MPP7: variants seen among roughly 807,000 people sequenced by gnomAD.
The protein encoded by MPP7 is MAGUK p55 subfamily member 7.
MPP7 carries 60 observed loss-of-function variants against 76.5 expected under a neutral mutation model. The observed-to-expected ratio is 0.78, with a 90% CI of 0.64 to 0.97. The LOEUF is 0.97. Ranked by LOEUF, MPP7 falls within the 50% of genes least tolerant of loss-of-function variation. The probability of loss-of-function intolerance (pLI) is 0.00; values close to 1 mark genes in which losing one functional copy is unlikely to be tolerated. For synonymous variants in MPP7, 237 were observed against 244.5 expected (o/e 0.97, Z 0.29); for missense variants, 641 against 694.0 (o/e 0.92, Z 0.86).
chr10:28,112,529 T>C (rs1834536808), intron 11 of MPP7, among the ~76,000 whole-genome samples: 1 of 152,244 alleles, frequency 6.6e-6, no homozygotes, highest in African/African-American at 2.4e-5. Flanking sequence ...TGCAAAAGAA[T>C]GTTTCTCCAT....
At chr10:28,131,538 A>G in intron 6 of MPP7, 22 bp downstream of exon 6, 1 of 1,560,782 alleles carries the variant, frequency 6.4e-7, no homozygotes, top group Non-Finnish European at 8.7e-7. Flanking sequence ...GTATCTACTC[A>G]TATCTGAGCA....
At chr10:28,127,726 T>C (rs1431743671) in intron 6 of MPP7, among the ~76,000 whole-genome samples, 1 of 152,166 alleles carries the variant, frequency 6.6e-6, no homozygotes, top group Non-Finnish European at 1.5e-5. Context: ...AGATGAGGTT[T>C]GGGTGAGGAC....
At position 28,164,783 on chromosome 10, in the gene MPP7, G is replaced by A. The variant is rs559276893; in HGVS notation, c.157-14724C>T. Among the ~76,000 whole-genome samples the A allele has an allele frequency of 2.6e-4, 39 of 152,138 alleles. 1 individual carries two copies. In the South Asian group the frequency reaches 7.9e-3, roughly 31 times the overall value. ...GGAACCCAAAAGATTGGACATCTTTGTAAGAGACATTGGAGACTCAGAAGT... is the reference window on the plus strand; with the variant it reads ...GGAACCCAAAAGATTGGACATCTTTATAAGAGACATTGGAGACTCAGAAGT... On this transcript the variant is annotated intron_variant, in intron 3 of 16. Transcript: ENST00000683449.
chr10:28,087,450 C>T (rs1037927783), intron 12 of MPP7, among the ~76,000 whole-genome samples: 4 of 151,886 alleles, frequency 2.6e-5, no homozygotes, highest in Non-Finnish European at 4.4e-5. Context: ...GGCTGGAGTA[C>T]CGTGATGCAA....
At chr10:28,082,430 TCTCCTCCTTC>T (rs1173626378) in intron 12 of MPP7, among the ~76,000 whole-genome samples, 1 of 151,144 alleles carries the variant, frequency 6.6e-6, no homozygotes. Flanking sequence ...CTTCTCTCCT[TCTCCTCCTTC>T]CTCCTCCTTC....
chr10:28,307,278 C>T (rs1320123437), upstream of MPP7, among the ~76,000 whole-genome samples: 2 of 152,198 alleles, frequency 1.3e-5, no homozygotes, highest in Non-Finnish European at 2.9e-5. Flanking sequence ...AATCTTTCTA[C>T]TTCAGTTGGC....
chr10:28,089,100 A>T (rs535413121), intron 12 of MPP7, among the ~76,000 whole-genome samples: 3 of 152,152 alleles, frequency 2.0e-5, no homozygotes, highest in African/African-American at 7.2e-5. Context: ...CACTGTAGAG[A>T]TGGGGCTTCA....
intron 9 of MPP7, 88 bp from the exon 10 acceptor site, chr10:28,120,478 G>T: frequency 6.7e-7 from 1 of 1,488,032 alleles, no homozygotes; most frequent in Middle Eastern, 1.7e-4. Flanking sequence ...TCCAAACATA[G>T]TAATTTTAAA....
At chr10:28,136,581 A>T (rs1247446975) in intron 5 of MPP7, among the ~76,000 whole-genome samples, 1 of 152,226 alleles carries the variant, frequency 6.6e-6, no homozygotes, top group Non-Finnish European at 1.5e-5. Context: ...ATAGCAGACA[A>T]GAAAATTAAA....
chr10:28,164,462 A>G (rs1208685095), intron 3 of MPP7, among the ~76,000 whole-genome samples: 1 of 152,120 alleles, frequency 6.6e-6, no homozygotes, highest in East Asian at 1.9e-4. Context: ...GAGGGCTGCA[A>G]CAGGGGACTC....
intron 2 of MPP7, among the ~76,000 whole-genome samples, chr10:28,215,815 G>A (rs896234407): frequency 6.6e-6 from 1 of 152,130 alleles, no homozygotes; most frequent in South Asian, 2.1e-4. Flanking sequence ...AGCTTACAAT[G>A]ATGCCTTGCT....
In MPP7 at chr10:28,315,677, G is replaced by A. The variant is rs57960262; in HGVS notation, c.-132+14252C>T. On this transcript the variant is annotated intron_variant, in intron 2 of 11. Transcript: ENST00000441595. ...GAAGAGACAAATCACCCATGCAGAA[G>A]AATTTTAAATCATTTATGTAAATAC... Among the ~76,000 whole-genome samples the A allele has an allele frequency of 9.1e-3, 1,392 of 152,286 alleles. 19 individuals carry two copies. The highest frequency in any genetic ancestry group is 0.057 in the East Asian group (293 of 5,176).
intron 5 of MPP7, among the ~76,000 whole-genome samples, chr10:28,145,812 T>C (rs183661486): frequency 2.8e-4 from 42 of 152,282 alleles, no homozygotes; most frequent in African/African-American, 8.9e-4. Flanking sequence ...CCACCTAAAA[T>C]ATTTTCCACA....
At chr10:28,114,426 C>CTT (rs372713562) in intron 11 of MPP7, among the ~76,000 whole-genome samples, 5 of 144,768 alleles carry the variant, frequency 3.5e-5, no homozygotes, top group East Asian at 4.0e-4. Context: ...AAAGGAAAAC[C>CTT]TTTTTTTTTT....
chr10:28,131,661 G>A lies in MPP7; in HGVS notation c.346C>T (p.Gln116Ter), dbSNP rs1475030459. The A allele has an allele frequency of 4.4e-6, 7 of 1,601,628 alleles. No individual in the cohort carries two copies. The highest frequency in any genetic ancestry group is 5.1e-6 in the Non-Finnish European group (6 of 1,172,462). ...ALLSVHDTVA[Q>*]KNYDPVLPPM... ...GGCAACACTGGGTCGTAATTCTTCT[G>A]AGCCACAGTATCATGTACAGAGAGC... The change falls in exon 6 of 17, where the codon CAG becomes TAG. Residue 116 changes from glutamine to a stop codon, truncating the protein, a stop_gained. Transcript: ENST00000683449. LOFTEE classifies it high-confidence loss of function.
intron 5 of MPP7, among the ~76,000 whole-genome samples, chr10:28,138,889 T>C (rs1445840956): frequency 6.6e-6 from 1 of 152,196 alleles, no homozygotes; most frequent in Non-Finnish European, 1.5e-5. Context: ...TGAATTCCGT[T>C]TACTGGGAAT....
At chr10:28,168,796 G>C (rs763464672) in intron 3 of MPP7, among the ~76,000 whole-genome samples, 10 of 152,194 alleles carry the variant, frequency 6.6e-5, no homozygotes, top group Non-Finnish European at 1.0e-4. Flanking sequence ...GGGATTACAG[G>C]TGTGAGCCAC....
chr10:28,262,034 C>T (rs1839967046), intron 1 of MPP7, among the ~76,000 whole-genome samples: 1 of 150,486 alleles, frequency 6.6e-6, no homozygotes, highest in Non-Finnish European at 1.5e-5. Flanking sequence ...ACCTGTAGTC[C>T]CAGCTACTCA....
At chr10:28,303,349 G>C (rs1227438433), upstream of MPP7, 1 of 152,248 alleles carries the variant, frequency 6.6e-6, no homozygotes, top group Non-Finnish European at 1.5e-5. Context: ...GGTGGCTGCA[G>C]ACTGGAGTGT....
Sources: allele counts gnomAD v4.1 joint callset (sites outside exome capture counted in the v4.1 genomes callset), GRCh38; gene constraint gnomAD v4.1.1; transcripts MANE v1.5; gene names NCBI Gene and HGNC (gene_info 2026-07-23, HGNC 2026-07-21).